The following SF3B6 variants were observed in gnomAD, a reference collection of about 807,000 sequenced individuals.
The protein encoded by SF3B6 is splicing factor 3b subunit 6.
SF3B6 carries 3 observed loss-of-function variants against 15.9 expected under a neutral mutation model. The ratio of observed to expected loss-of-function variants is 0.19; its 90% CI spans 0.09 to 0.49. The LOEUF is 0.49. Among genes scored for constraint, SF3B6 ranks in the 20% least tolerant of loss-of-function variants. SF3B6 has a pLI of 0.97. For synonymous variants in SF3B6, 49 were observed against 51.1 expected (o/e 0.96, Z 0.18); for missense variants, 71 against 154.3 (o/e 0.46, Z 2.86).
intron 1 of SF3B6, among the ~76,000 whole-genome samples, chr2:24,074,915 G>A (rs929030986): frequency 1.3e-5 from 2 of 152,112 alleles, no homozygotes; most frequent in Non-Finnish European, 2.9e-5. Context: ...GATCACTTGA[G>A]GTCAGGAGTT....
chr2:24,068,557 A>G (rs565824040), intron 2 of SF3B6, 98 bp from the exon 3 acceptor site: 13 of 1,127,674 alleles, frequency 1.2e-5, no homozygotes, highest in Non-Finnish European at 1.6e-5. Context: ...TGTCTTTTAA[A>G]AACAGTAAAT....
At chr2:24,074,382 G>A (rs1328854702) in intron 1 of SF3B6, among the ~76,000 whole-genome samples, 188 bp from the exon 2 acceptor site, 2 of 152,128 alleles carry the variant, frequency 1.3e-5, no homozygotes, top group Non-Finnish European at 2.9e-5. Context: ...ACAGAGGCTG[G>A]GTGCAGTGGC....
chr2:24,069,425 A>G (rs1664615222), intron 2 of SF3B6, among the ~76,000 whole-genome samples: 1 of 152,192 alleles, frequency 6.6e-6, no homozygotes, highest in South Asian at 2.1e-4. Context: ...ACGCAACGCT[A>G]AATTGCAGGC....
At chr2:24,071,086 G>A (rs1490914113) in intron 2 of SF3B6, among the ~76,000 whole-genome samples, 1 of 151,962 alleles carries the variant, frequency 6.6e-6, no homozygotes, top group Non-Finnish European at 1.5e-5. Context: ...TCCACCTCCC[G>A]GGTTCAAGCG....
chr2:24,072,090 G>A (rs1406624385), intron 2 of SF3B6, among the ~76,000 whole-genome samples: 1 of 152,048 alleles, frequency 6.6e-6, no homozygotes, highest in East Asian at 1.9e-4. Context: ...AGGTTCAAGC[G>A]ATTCTCCCAC....
chr2:24,070,168 G>C (rs1012398909), intron 2 of SF3B6, among the ~76,000 whole-genome samples: 2 of 152,130 alleles, frequency 1.3e-5, no homozygotes, highest in African/African-American at 4.8e-5. Context: ...CTCACACCTT[G>C]AGAGCCATAT....
chr2:24,068,498 A>C, intron 2 of SF3B6, 39 bp from the exon 3 acceptor site: 1 of 1,550,328 alleles, frequency 6.5e-7, no homozygotes, highest in Non-Finnish European at 8.7e-7. Flanking sequence ...ATATACATTT[A>C]CCTGAGCATT....
At chr2:24,070,216 C>T (rs528102026) in intron 2 of SF3B6, among the ~76,000 whole-genome samples, 1 of 152,336 alleles carries the variant, frequency 6.6e-6, no homozygotes, top group African/African-American at 2.4e-5. Context: ...TCTGTACCTA[C>T]CACGTATTGG....
chr2:24,074,063 C>T lies in SF3B6; in HGVS notation c.149+13G>A, dbSNP rs1347166427. ...ATGCTATCATTTTCTTTAAATGACT[C>T]AGTAAGACTCACACTCTGATTTGAC... On this transcript the variant is annotated intron_variant, in intron 2 of 3. Coordinates refer to ENST00000233468, the MANE Select transcript of SF3B6 (RefSeq NM_016047.4). 11 of 1,400,400 alleles carry T rather than the reference C, an allele frequency of 7.9e-6. No individual in the cohort carries two copies. Among genetic ancestry groups the T allele is most frequent in the Non-Finnish European group, 1.1e-5 (11 of 988,882 alleles). The allele number at this position is 1,400,400 out of a possible 1,614,324, so 86.7% of individuals were successfully genotyped here. A position where few individuals can be genotyped will look rare whatever the true frequency, so the allele number is the denominator to read the frequency against.
chr2:24,068,479 T>G lies in SF3B6; in HGVS notation c.150-20A>C, dbSNP rs552847518. 1 of 1,592,976 alleles carries G rather than the reference T, an allele frequency of 6.3e-7. No individual in the cohort carries two copies. Among genetic ancestry groups the G allele is most frequent in the East Asian group, 2.2e-5 (1 of 44,496 alleles). On this transcript the variant is annotated intron_variant, in intron 2 of 3. Transcript: ENST00000233468. ...TTCCCCCTGGAGAGGTAAGTTAAAC[T>G]TAATTAAGATATACATTTACCTGAG...
intron 3 of SF3B6, 41 bp from the exon 4 acceptor site, chr2:24,067,892 C>T (rs781049984): frequency 1.9e-6 from 3 of 1,547,698 alleles, no homozygotes; most frequent in East Asian, 2.2e-5. Flanking sequence ...TACCAATCTA[C>T]AGCCAAATGA....
chr2:24,073,121 G>C (rs1358343305), intron 2 of SF3B6, among the ~76,000 whole-genome samples: 1 of 152,120 alleles, frequency 6.6e-6, no homozygotes, highest in Non-Finnish European at 1.5e-5. Context: ...CTCTCTGGAG[G>C]GACAGTGTCA....
rs1351853607 is a variant in SF3B6 at position 24,076,314 on chromosome 2, G to T, written c.-85C>A. ...CTTCGGGGGTTACACCGCGTTAGAT[G>T]CAGGACATCAACATCCAGGACCCGC... On this transcript the variant is annotated 5_prime_UTR_variant, in exon 1 of 4. It introduces an in-frame stop codon into an upstream open reading frame of the 5' UTR. Transcript: ENST00000233468. 2.6e-6 allele frequency: 4 copies of T among 1,528,014 alleles called. No homozygotes were observed. Among genetic ancestry groups the T allele is most frequent in the Non-Finnish European group, 3.6e-6 (4 of 1,101,416 alleles). The allele number at this position is 1,528,014 out of a possible 1,614,324, so 94.7% of individuals were successfully genotyped here. A position where few individuals can be genotyped will look rare whatever the true frequency, so the allele number is the denominator to read the frequency against.
At chr2:24,068,531 C>A in intron 2 of SF3B6, 72 bp from the exon 3 acceptor site, 1 of 1,343,494 alleles carries the variant, frequency 7.4e-7, no homozygotes. Context: ...ACAGAACTGT[C>A]TTTTAAACTG....
intron 2 of SF3B6, among the ~76,000 whole-genome samples, chr2:24,070,569 A>G (rs1664637701): frequency 6.6e-6 from 1 of 152,246 alleles, no homozygotes; most frequent in Non-Finnish European, 1.5e-5. Flanking sequence ...CAAAAGAGGT[A>G]ACAAGTATCA....
At chr2:24,072,624 C>T (rs1308873031) in intron 2 of SF3B6, among the ~76,000 whole-genome samples, 2 of 152,106 alleles carry the variant, frequency 1.3e-5, no homozygotes, top group Admixed American at 6.5e-5. Flanking sequence ...TAATTGAAAC[C>T]CAGATAAGGT....
chr2:24,067,828 C>G lies in SF3B6; in HGVS notation c.312G>C (p.Lys104Asn). Residue 104 changes from lysine to asparagine, a missense_variant, in exon 4 of 4, where the codon AAG becomes AAC. Lys to Asn is a moderately conservative substitution (Grantham distance 94, BLOSUM62 0). This residue lies in a region of SF3B6 where 52 missense variants were observed against 113.2 expected (regional missense o/e 0.46). Transcript: ENST00000233468. Reference protein sequence around the residue: ...ANRAFQKMDTKKKEEQLKLLK... With the variant: ...ANRAFQKMDTNKKEEQLKLLK... Reference sequence around the variant, plus strand: ...GAAGCTTCAACTGTTCCTCCTTCTTCTTTGTGTCCATCTTCTGAAATGCCT... The same window carrying G: ...GAAGCTTCAACTGTTCCTCCTTCTTGTTTGTGTCCATCTTCTGAAATGCCT... 2 of 1,614,136 alleles carry G rather than the reference C, an allele frequency of 1.2e-6. No individual in the cohort carries two copies. The highest frequency in any genetic ancestry group is 1.7e-6 in the Non-Finnish European group (2 of 1,180,004).
At chr2:24,075,368 T>TC (rs1664721658) in intron 1 of SF3B6, among the ~76,000 whole-genome samples, 1 of 150,184 alleles carries the variant, frequency 6.7e-6, no homozygotes, top group African/African-American at 2.5e-5. Context: ...TGTTTTTTTT[T>TC]TTTTTTTTGA....
intron 2 of SF3B6, among the ~76,000 whole-genome samples, chr2:24,071,450 CA>C: frequency 6.6e-6 from 1 of 150,894 alleles, no homozygotes; most frequent in South Asian, 2.1e-4. Context: ...ACTAAAAATA[CA>C]AAAATTAGCC....
Sources: allele counts gnomAD v4.1 joint callset (sites outside exome capture counted in the v4.1 genomes callset), GRCh38; gene constraint gnomAD v4.1.1; regional missense constraint gnomAD v4.1.1; transcripts MANE v1.5; gene names NCBI Gene and HGNC (gene_info 2026-07-23, HGNC 2026-07-21).